The following FATE1 variants were observed in gnomAD, a reference collection of about 807,000 sequenced individuals.
FATE1 encodes fetal and adult testis-expressed transcript protein.
FATE1 carries 18 observed loss-of-function variants against 16.0 expected under a neutral mutation model. That is an observed-to-expected ratio of 1.12 (90% CI 0.78 to 1.66). The LOEUF is 1.66. Ranked by LOEUF, FATE1 falls within the 40% of genes most tolerant of loss-of-function variation. FATE1 has a pLI of 0.00. For synonymous variants in FATE1, 76 were observed against 56.9 expected (o/e 1.34, Z -1.51); for missense variants, 169 against 152.7 (o/e 1.11, Z -0.56).
rs372161224 is a variant in FATE1 at position 151,717,372 on chromosome X, T to C, written c.207T>C (p.Asn69=). The C allele has an allele frequency of 9.1e-6, 11 of 1,203,699 alleles. No individual in the cohort carries two copies. Among genetic ancestry groups the C allele is most frequent in the Non-Finnish European group, 1.1e-5 (10 of 891,564 alleles). Reference sequence around the variant, plus strand: ...CTGCTTCAGCCAAACGAGTTTGGAATATGACTGCCACCCGACCCAAGAAAA... The same window carrying C: ...CTGCTTCAGCCAAACGAGTTTGGAACATGACTGCCACCCGACCCAAGAAAA... ...AGSASAKRVW[N]MTATRPKKMG... is the part of the protein sequence containing the mutation. Residue 69 remains asparagine (N), a synonymous_variant, in exon 2 of 5, where the codon AAT becomes AAC. Transcript: ENST00000370350.
At chrX:151,719,395 G>T (rs2015095390) in intron 2 of FATE1, among the ~76,000 whole-genome samples, 1 of 111,820 alleles carries the variant, frequency 8.9e-6, no homozygotes, top group Non-Finnish European at 1.9e-5. Context: ...GAGAGAAGTT[G>T]GGACTTGGTG....
chrX:151,717,684 C>T (rs912844524), intron 2 of FATE1, among the ~76,000 whole-genome samples: 12 of 111,216 alleles, frequency 1.1e-4, no homozygotes, highest in African/African-American at 3.3e-4. Context: ...TGTGAAATAA[C>T]GCTTTCCTGT....
At position 151,722,698 on chromosome X, in the gene FATE1, T is replaced by A; in HGVS notation, c.491T>A (p.Leu164Gln). 1.6e-6 allele frequency: 2 copies of A among 1,212,208 alleles called. No individual in the cohort carries two copies. Among genetic ancestry groups the A allele is most frequent in the Non-Finnish European group, 2.2e-6 (2 of 895,510 alleles). The change falls in exon 5 of 5, where the codon CTG becomes CAG. Residue 164 changes from leucine (L) to glutamine (Q), a missense_variant. By Grantham distance (113) the Leu-to-Gln change is moderately radical. Coordinates refer to ENST00000370350, the MANE Select transcript of FATE1 (RefSeq NM_033085.3). ...QGATWRHRET[L>Q]IIAVLVSASI... The stretch of plus-strand genomic sequence containing the variant: ...GCCACCTGGCGCCACAGGGAGACCC[T>A]GATCATCGCCGTGCTGGTGTCGGCC...
At chrX:151,722,522 G>T in intron 4 of FATE1, 106 bp from the exon 5 acceptor site, 1 of 1,126,237 alleles carries the variant, frequency 8.9e-7, no homozygotes, top group Admixed American at 2.3e-5. Context: ...CCGCCAAAGG[G>T]CAATCAAGCC....
chrX:151,721,344 C>A, intron 2 of FATE1, 51 bp from the exon 3 acceptor site: 1 of 1,095,719 alleles, frequency 9.1e-7, no homozygotes, highest in Non-Finnish European at 1.3e-6. Flanking sequence ...ACTGGAGAAG[C>A]CACTCATGTG....
rs1344750202 is a variant in FATE1, at chrX:151,718,112, GGAAGGAAGGAAGGAAGGA to G, written c.234+714_234+731del. On this transcript the variant is annotated intron_variant, in intron 2 of 4. Coordinates refer to ENST00000370350, the MANE Select transcript of FATE1 (RefSeq NM_033085.3). Reference sequence around the variant, plus strand: ...AAAGAAAGAAAGAAAGAGAGAGAGAGGAAGGAAGGAAGGAAGGAAGGAAGGAAGGAAGGAAGGAAGGAA... The same window carrying G: ...AAAGAAAGAAAGAAAGAGAGAGAGAGAGGAAGGAAGGAAGGAAGGAAGGAA... 7.6e-3 allele frequency among the ~76,000 whole-genome samples: 104 copies of G among 13,657 alleles called. 1 individual carries two copies. Among genetic ancestry groups the G allele is most frequent in the African/African-American group, 0.048 (95 of 1,997 alleles). The allele number at this position is 13,657 out of a possible 115,157, so 11.9% of individuals were successfully genotyped here.
At chrX:151,716,287 G>A in intron 1 of FATE1, 62 bp downstream of exon 1, 1 of 924,859 alleles carries the variant, frequency 1.1e-6, no homozygotes, top group Non-Finnish European at 1.5e-6. Context: ...GTCTATACCT[G>A]TGCATGTGTG....
chrX:151,717,333 A>G lies in FATE1; in HGVS notation c.168A>G (p.Gln56=), dbSNP rs1389260168. ...CCCAGAAGAAGCAGAAGTTGGAACAAAAAGCTGCTGGCTCTGCTTCAGCCA... is the reference window on the plus strand; with the variant it reads ...CCCAGAAGAAGCAGAAGTTGGAACAGAAAGCTGCTGGCTCTGCTTCAGCCA... ...GASQKKQKLE[Q]KAAGSASAKR... The change falls in exon 2 of 5, where the codon CAA becomes CAG. Residue 56 remains glutamine, a synonymous_variant. Coordinates refer to ENST00000370350, the MANE Select transcript of FATE1 (RefSeq NM_033085.3). The G allele has an allele frequency of 1.7e-6, 2 of 1,207,084 alleles. No individual in the cohort carries two copies. Among genetic ancestry groups the G allele is most frequent in the South Asian group, 1.8e-5 (1 of 56,699 alleles).
At position 151,721,438 on chromosome X, in the gene FATE1, A is replaced by T; in HGVS notation, c.278A>T (p.His93Leu). ...CCCAGAATGCTGAGAGAATCAGGCC[A>T]TGGGGATGCCCATCTCCAGGAGTAC... Reference protein sequence around the residue: ...PKPRMLRESGHGDAHLQEYAG... With the variant: ...PKPRMLRESGLGDAHLQEYAG... Residue 93 changes from histidine to leucine, a missense_variant, in exon 3 of 5, where the codon CAT (histidine) becomes CTT (leucine). Physicochemically the swap from His to Leu is moderately conservative, Grantham distance 99. Transcript: ENST00000370350. 2 of 1,212,388 alleles carry T rather than the reference A, an allele frequency of 1.6e-6. No individual in the cohort carries two copies. The highest frequency in any genetic ancestry group is 5.9e-5 in the East Asian group (2 of 33,854).
chrX:151,716,173 A>G lies in FATE1; in HGVS notation c.54A>G (p.Glu18=), dbSNP rs1329784469. 1 of 1,168,090 alleles carries G rather than the reference A, an allele frequency of 8.6e-7. No homozygotes were observed. The highest frequency in any genetic ancestry group is 3.3e-5 in the East Asian group (1 of 30,769). The change falls in exon 1 of 5, where the codon GAA becomes GAG. Residue 18 remains glutamate, a synonymous_variant. Coordinates refer to ENST00000370350, the MANE Select transcript of FATE1 (RefSeq NM_033085.3). The part of the protein sequence containing the change: ...TKAEMEMSLA[E]ELNHGRQGEN... ...CGGAGATGGAAATGTCCCTGGCAGA[A>G]GAACTGAATCATGGACGCCAAGGGG... is the stretch of plus-strand genomic sequence containing the variant.
chrX:151,718,175 GA>G (rs1383025267), intron 2 of FATE1, among the ~76,000 whole-genome samples: 1 of 79,348 alleles, frequency 1.3e-5, no homozygotes, highest in Non-Finnish European at 2.4e-5. Context: ...GAAGGAAGGG[GA>G]AAAGAAAGGA....
intron 2 of FATE1, among the ~76,000 whole-genome samples, chrX:151,720,542 G>A (rs776126161): frequency 1.8e-5 from 2 of 111,862 alleles, no homozygotes; most frequent in East Asian, 5.6e-4. Flanking sequence ...CTACTTCCTA[G>A]CTGTGTGACT....
Position 151,722,770 on chromosome X carries a change from G to A in FATE1, c.*11G>A, listed in dbSNP as rs1303690209. 1 of 1,200,786 alleles carries A rather than the reference G, an allele frequency of 8.3e-7. No individual in the cohort carries two copies. ...TGGATGAACCAGTGATCGCCCCAGC[G>A]CGGCCTCCGTATTGGAGCCCTCCCT... On this transcript the variant is annotated 3_prime_UTR_variant, in exon 5 of 5. Transcript: ENST00000370350.
At chrX:151,722,061 T>C (rs1207092909) in intron 4 of FATE1, 80 bp downstream of exon 4, 1 of 895,283 alleles carries the variant, frequency 1.1e-6, no homozygotes, top group South Asian at 2.1e-5. Context: ...TGGGGTCCTG[T>C]AGTCCCTTAC....
At chrX:151,716,448 C>T (rs1445466406) in intron 1 of FATE1, among the ~76,000 whole-genome samples, 2 of 111,386 alleles carry the variant, frequency 1.8e-5, no homozygotes, top group African/African-American at 6.5e-5. Flanking sequence ...ATGGGAACAA[C>T]ATGTGTAGTA....
At chrX:151,717,717 CGTGTGTGT>C (rs59141256) in intron 2 of FATE1, among the ~76,000 whole-genome samples, 43 of 109,224 alleles carry the variant, frequency 3.9e-4, no homozygotes, top group Middle Eastern at 4.3e-3. Context: ...GTGTGTGGTA[CGTGTGTGT>C]GTGTGTGTGC....
intron 2 of FATE1, among the ~76,000 whole-genome samples, chrX:151,718,757 C>T (rs751195630): frequency 3.6e-5 from 4 of 111,748 alleles, no homozygotes; most frequent in Non-Finnish European, 7.5e-5. Flanking sequence ...CATTCTGTAG[C>T]CAGTGCTTTT....
At chrX:151,716,606 A>G (rs2015063163) in intron 1 of FATE1, among the ~76,000 whole-genome samples, 1 of 112,069 alleles carries the variant, frequency 8.9e-6, no homozygotes, top group Non-Finnish European at 1.9e-5. Context: ...TCCATGATCT[A>G]TAAGATTGTA....
intron 2 of FATE1, among the ~76,000 whole-genome samples, chrX:151,718,017 C>A (rs1441430571): frequency 9.1e-6 from 1 of 109,377 alleles, no homozygotes; most frequent in Non-Finnish European, 1.9e-5. Context: ...ACCTAGCAGG[C>A]AGAGGTTGCA....
Sources: allele counts gnomAD v4.1 joint callset (sites outside exome capture counted in the v4.1 genomes callset), GRCh38; gene constraint gnomAD v4.1.1; transcripts MANE v1.5; gene names NCBI Gene and HGNC (gene_info 2026-07-23, HGNC 2026-07-21).